Variants in USP13 observed in about 807,000 individuals in gnomAD.
USP13 encodes ubiquitin specific peptidase 13, also known as ubiquitin carboxyl-terminal hydrolase 13.
Under a neutral mutation model 107.8 loss-of-function variants are expected in USP13, and 68 were observed. The ratio of observed to expected loss-of-function variants is 0.63; its 90% confidence interval spans 0.52 to 0.77. USP13 has a LOEUF of 0.77. USP13 is among the 30% of genes least tolerant of loss of function. The pLI, the probability that USP13 is intolerant of heterozygous loss-of-function variation, is 0.00. For synonymous variants in USP13, 377 were observed against 389.5 expected, an observed-to-expected ratio of 0.97 and a Z score of 0.38; for missense variants, 945 against 1,093.3, an observed-to-expected ratio of 0.86 and a Z score of 1.91.
Position 179,752,287 on chromosome 3 carries a change from C to T in USP13, c.1712C>T (p.Thr571Ile). 2 of 1,613,730 alleles carry T rather than the reference C, an allele frequency of 1.2e-6. No homozygotes were observed. Among genetic ancestry groups the T allele is most frequent in the Non-Finnish European group, 1.7e-6 (2 of 1,179,812 alleles). ...ALQAKSAGVK[T>I]SRFASFPEYL... ...ATATATCCCCTTGTGTTTCCCAGAA[C>T]ATCTCGCTTTGCTTCATTCCCTGAA... is the stretch of plus-strand genomic sequence containing the variant. Residue 571 changes from threonine to isoleucine, a missense_variant and splice_region_variant, in exon 14 of 21, where the codon ACA becomes ATA. Transcript: ENST00000263966.
Position 179,742,253 on chromosome 3 carries a change from A to G in USP13, c.1437A>G (p.Glu479=), listed in dbSNP as rs202017744. ...PSDVFRFLVE[E]RIQCCQTRKV... ...ATGTTTTTCGTTTTTTGGTGGAAGA[A>G]CGCATTCAGTGCTGTCAGACCCGGA... Residue 479 remains glutamate (E), a synonymous_variant, in exon 12 of 21, where the codon GAA becomes GAG. Transcript: ENST00000263966. This position sits in a 1 kb window ranked among gnomAD's most constrained non-coding sequence, Gnocchi z 5.0. The G allele has an allele frequency of 9.9e-6, 16 of 1,614,242 alleles. No individual in the cohort carries two copies. The highest frequency in any genetic ancestry group is 2.5e-6 in the Non-Finnish European group (3 of 1,180,044).
intron 19 of USP13, among the ~76,000 whole-genome samples, chr3:179,778,943 A>T (rs1715645905): frequency 3.3e-5 from 5 of 152,092 alleles, no homozygotes. Flanking sequence ...TGGACCTGAG[A>T]TCTCAATGAA....
chr3:179,759,220 A>T (rs1039842939), intron 16 of USP13, among the ~76,000 whole-genome samples: 16 of 152,068 alleles, frequency 1.1e-4, no homozygotes, highest in African/African-American at 3.9e-4. Flanking sequence ...TGACCTCGTC[A>T]TCTGCCCGCC....
In USP13 at chr3:179,761,249, G is replaced by T. The variant is rs1715001487; in HGVS notation, c.2086G>T (p.Glu696Ter). The T allele has an allele frequency of 6.2e-7, 1 of 1,614,038 alleles. No individual in the cohort carries two copies. Among genetic ancestry groups the T allele is most frequent in the South Asian group, 1.1e-5 (1 of 91,076 alleles). Residue 696 changes from glutamate (E) to a stop codon, truncating the protein, a stop_gained, in exon 17 of 21, where the codon GAG (glutamate) becomes TAG (stop). Transcript: ENST00000263966. LOFTEE classifies it high-confidence loss of function. ...AFNWIIVHME[E>*]PDFAEPLTMP... ...CAACTGGATCATTGTTCACATGGAA[G>T]AGCCAGGTAGGTGGCGAGAAAATGG...
intron 3 of USP13, among the ~76,000 whole-genome samples, chr3:179,700,341 G>C (rs1712471641): frequency 1.3e-5 from 2 of 152,132 alleles, no homozygotes; most frequent in Admixed American, 1.3e-4. Flanking sequence ...GAGCAAGAGG[G>C]AGATTTTGTT....
intron 5 of USP13, among the ~76,000 whole-genome samples, chr3:179,708,410 A>T (rs573949872): frequency 6.8e-6 from 1 of 147,852 alleles, no homozygotes; most frequent in African/African-American, 2.5e-5. Context: ...GGGTTCAAGC[A>T]GTTCTCCCTG....
chr3:179,744,458 C>T (rs373317675), intron 12 of USP13, among the ~76,000 whole-genome samples: 20 of 151,532 alleles, frequency 1.3e-4, no homozygotes. Flanking sequence ...TGATCATTGG[C>T]AAAAATTGAT....
At chr3:179,718,542 T>C (rs1713188203) in intron 6 of USP13, among the ~76,000 whole-genome samples, 1 of 152,172 alleles carries the variant, frequency 6.6e-6, no homozygotes, top group South Asian at 2.1e-4. Flanking sequence ...CTGGGCCACC[T>C]GTGGCCTTTA....
chr3:179,718,923 A>C (rs894320166), intron 6 of USP13, among the ~76,000 whole-genome samples: 1 of 151,822 alleles, frequency 6.6e-6, no homozygotes. Flanking sequence ...CGCCCGGCTA[A>C]TTTTTTGCAT....
chr3:179,764,301 A>C (rs1199270791), intron 18 of USP13, 133 bp downstream of exon 18: 1 of 1,319,470 alleles, frequency 7.6e-7, no homozygotes, highest in South Asian at 2.3e-5. Flanking sequence ...GAATCTCATC[A>C]TAGCCCATAA....
intron 7 of USP13, among the ~76,000 whole-genome samples, chr3:179,720,404 T>A (rs940426305): frequency 1.3e-5 from 2 of 152,214 alleles, no homozygotes; most frequent in Non-Finnish European, 2.9e-5. Context: ...TCACTTTCAT[T>A]AATTTCAGGG....
intron 17 of USP13, among the ~76,000 whole-genome samples, chr3:179,763,152 T>TCC (rs201077527): frequency 1.3e-5 from 2 of 152,172 alleles, no homozygotes; most frequent in African/African-American, 4.8e-5. Flanking sequence ...ATTTGTGTTT[T>TCC]CCCCCCCATT....
intron 1 of USP13, among the ~76,000 whole-genome samples, chr3:179,676,027 G>C (rs1576917302): frequency 6.6e-6 from 1 of 152,162 alleles, no homozygotes; most frequent in East Asian, 1.9e-4. Flanking sequence ...GAATCATGGG[G>C]TTGGTAACCC....
chr3:179,719,394 G>A lies in USP13; in HGVS notation c.806-546G>A, dbSNP rs1234412109. ...GTGGACCTGAAGGTAGGAAAGAAGG[G>A]ATGTCGGGGGCAAGTGGGAGGTAGA... On this transcript the variant is annotated intron_variant, in intron 6 of 20. Coordinates refer to ENST00000263966, the MANE Select transcript of USP13 (RefSeq NM_003940.3). 2.6e-5 allele frequency among the ~76,000 whole-genome samples: 4 copies of A among 152,330 alleles called. No homozygotes were observed. The East Asian group carries it at 7.7e-4, about 29-fold the overall frequency.
At chr3:179,731,451 C>T (rs1298331449) in intron 10 of USP13, among the ~76,000 whole-genome samples, 1 of 152,056 alleles carries the variant, frequency 6.6e-6, no homozygotes. Context: ...TTAGTCCCTC[C>T]GTAGGACTGA....
intron 13 of USP13, among the ~76,000 whole-genome samples, chr3:179,750,285 T>A (rs905709544): frequency 3.5e-5 from 5 of 142,152 alleles, no homozygotes; most frequent in African/African-American, 1.1e-4. Context: ...ATAATAATAA[T>A]AAATATATAT....
chr3:179,763,159 C>A (rs567771151), intron 17 of USP13, among the ~76,000 whole-genome samples: 2 of 152,178 alleles, frequency 1.3e-5, no homozygotes, highest in Non-Finnish European at 2.9e-5. Flanking sequence ...TTTTCCCCCC[C>A]ATTCTGGTGT....
chr3:179,653,093 C>G lies in USP13; in HGVS notation c.-133C>G, dbSNP rs1314348827. The G allele has an allele frequency of 1.2e-6, 1 of 802,684 alleles. No individual in the cohort carries two copies. Among genetic ancestry groups the G allele is most frequent in the Non-Finnish European group, 1.5e-6 (1 of 664,406 alleles). 49.7% of individuals were successfully genotyped at this position (802,684 alleles called of 1,614,324 possible). On this transcript the variant is annotated 5_prime_UTR_variant, in exon 1 of 21. Coordinates refer to ENST00000263966, the MANE Select transcript of USP13 (RefSeq NM_003940.3). This position sits in a 1 kb window ranked among gnomAD's most constrained non-coding sequence, Gnocchi z 4.0. ...CCCGCCCCGCAGCCCGCTCTCCCCG[C>G]CCGCCCCGGCTCGGCCGGCTGCCGT...
intron 8 of USP13, among the ~76,000 whole-genome samples, chr3:179,722,801 C>G (rs1469859049): frequency 1.3e-5 from 2 of 152,176 alleles, no homozygotes; most frequent in African/African-American, 4.8e-5. Context: ...CATCATCTGT[C>G]TGAGTTGAAA....
Sources: gnomAD v4.1 joint callset for allele counts (sites outside exome capture counted in the v4.1 genomes callset) on GRCh38, gnomAD v4.1.1 for gene constraint, Gnocchi (gnomAD v3.1) non-coding constraint, MANE v1.5 for transcripts, NCBI Gene and HGNC (gene_info 2026-07-23, HGNC 2026-07-21) for gene names.